Variants in SH3RF3 observed in about 807,000 individuals in gnomAD.
SH3RF3 encodes the protein SH3 domain containing ring finger 3.
In SH3RF3, 29 loss-of-function variants were observed where a neutral mutation model predicts 66.3. The ratio of observed to expected loss-of-function variants is 0.44; its 90% CI spans 0.33 to 0.60. The LOEUF is 0.60. Ranked by LOEUF, SH3RF3 falls within the 20% of genes least tolerant of loss-of-function variation. The probability of loss-of-function intolerance (pLI) is 0.04; values close to 1 mark genes in which losing one functional copy is unlikely to be tolerated. For missense variants in SH3RF3, 1,194 were observed against 1,190.9 expected, an observed-to-expected ratio of 1.00 and a Z score of -0.04; for synonymous variants, 583 against 532.0, an observed-to-expected ratio of 1.10 and a Z score of -1.32.
intron 1 of SH3RF3, among the ~76,000 whole-genome samples, chr2:109,257,622 A>G (rs1680252213): frequency 6.6e-6 from 1 of 152,142 alleles, no homozygotes; most frequent in African/African-American, 2.4e-5. Context: ...CCTGCCACCC[A>G]TCCCATGAAG....
intron 1 of SH3RF3, among the ~76,000 whole-genome samples, chr2:109,328,831 T>TA (rs1344765875): frequency 6.6e-6 from 1 of 152,224 alleles, no homozygotes; most frequent in African/African-American, 2.4e-5. Flanking sequence ...AACACAGTGT[T>TA]ATCCAGAGGT....
At chr2:109,216,270 A>G (rs1287717934) in intron 1 of SH3RF3, among the ~76,000 whole-genome samples, 2 of 152,286 alleles carry the variant, frequency 1.3e-5, no homozygotes, top group East Asian at 1.9e-4. Flanking sequence ...GGCCAGCTCT[A>G]GCCCTGACTT....
chr2:109,200,255 T>C (rs1021759721), intron 1 of SH3RF3, among the ~76,000 whole-genome samples: 1 of 152,116 alleles, frequency 6.6e-6, no homozygotes, highest in Admixed American at 6.5e-5. Context: ...CACCTGTAGT[T>C]GGGGCTTTCA....
chr2:109,314,628 T>C (rs1474422362), intron 1 of SH3RF3, among the ~76,000 whole-genome samples: 3 of 152,262 alleles, frequency 2.0e-5, no homozygotes. Context: ...TCCATGGTCT[T>C]TAAAGGTTTG....
rs925984519 is a variant in SH3RF3 at position 109,144,379 on chromosome 2, C to T, written c.573+14266C>T. On this transcript the variant is annotated intron_variant, in intron 1 of 9. Transcript: ENST00000309415. ...TAATGAAAAGTACTTTTAAAAAACACACAAAGCTGCCTCAAGTCATAGAAC... is the reference window on the plus strand; with the variant it reads ...TAATGAAAAGTACTTTTAAAAAACATACAAAGCTGCCTCAAGTCATAGAAC... Among the ~76,000 whole-genome samples, 155 of 152,238 alleles carry T rather than the reference C, an allele frequency of 1.0e-3. 1 individual carries two copies. The highest frequency in any genetic ancestry group is 3.5e-3 in the African/African-American group (146 of 41,536).
chr2:109,367,039 C>T (rs539509622), intron 2 of SH3RF3, among the ~76,000 whole-genome samples: 1 of 150,932 alleles, frequency 6.6e-6, no homozygotes, highest in African/African-American at 2.4e-5. Flanking sequence ...CTGCAACTTT[C>T]ACCTCCTGGT....
intron 1 of SH3RF3, among the ~76,000 whole-genome samples, chr2:109,281,660 C>T (rs747381312): frequency 4.3e-4 from 65 of 152,154 alleles, no homozygotes; most frequent in Non-Finnish European, 1.5e-4. Context: ...GAGTGAGCAG[C>T]TGCTGAATTC....
At chr2:109,252,946 A>C (rs2105265486) in intron 1 of SH3RF3, among the ~76,000 whole-genome samples, 1 of 152,334 alleles carries the variant, frequency 6.6e-6, no homozygotes, top group East Asian at 1.9e-4. Flanking sequence ...ACTGTAGTCA[A>C]TCACCCTATT....
chr2:109,375,137 C>T (rs12989532), intron 3 of SH3RF3, among the ~76,000 whole-genome samples: 42,775 of 152,226 alleles, frequency 0.28, 7,005 homozygotes, highest in Non-Finnish European at 0.38. Flanking sequence ...CTGCCACAGG[C>T]ATTCACCCAT....
chr2:109,337,605 C>T (rs1472728757), intron 1 of SH3RF3, among the ~76,000 whole-genome samples: 2 of 152,132 alleles, frequency 1.3e-5, no homozygotes, highest in African/African-American at 4.8e-5. Context: ...GCTAGGAAGT[C>T]CATCCTCCAT....
At chr2:109,372,281 G>T (rs965174968) in intron 3 of SH3RF3, among the ~76,000 whole-genome samples, 2 of 152,328 alleles carry the variant, frequency 1.3e-5, no homozygotes, top group Admixed American at 1.3e-4. Flanking sequence ...GGTAGCTGCT[G>T]TGCAGAAAGC....
chr2:109,262,965 T>C (rs1680394435), intron 1 of SH3RF3, among the ~76,000 whole-genome samples: 1 of 152,254 alleles, frequency 6.6e-6, no homozygotes, highest in African/African-American at 2.4e-5. Context: ...CCCACGTAGC[T>C]GGGAGTACAG....
At chr2:109,353,433 C>T (rs911293227) in intron 2 of SH3RF3, among the ~76,000 whole-genome samples, 3 of 152,224 alleles carry the variant, frequency 2.0e-5, no homozygotes, top group African/African-American at 7.2e-5. Context: ...ACCCTTTCTC[C>T]TGAGAGGTAG....
Position 109,474,648 on chromosome 2 carries a change from G to A in SH3RF3, c.2149-15957G>A, listed in dbSNP as rs185126326. Among the ~76,000 whole-genome samples the A allele has an allele frequency of 2.8e-3, 423 of 152,308 alleles. 2 individuals carry two copies. The highest frequency in any genetic ancestry group is 9.4e-3 in the African/African-American group (390 of 41,564). On this transcript the variant is annotated intron_variant, in intron 8 of 9. Coordinates refer to ENST00000309415, the MANE Select transcript of SH3RF3 (RefSeq NM_001099289.3). The stretch of plus-strand genomic sequence containing the variant: ...GCAGGTGAAATTCCAGAAGCTTCCC[G>A]CTGGTCTGCCCTGGACAGCATCGGG...
At chr2:109,417,286 A>G (rs937815216) in intron 4 of SH3RF3, among the ~76,000 whole-genome samples, 2 of 151,820 alleles carry the variant, frequency 1.3e-5, no homozygotes, top group African/African-American at 4.8e-5. Flanking sequence ...GCCCCCACCT[A>G]CACCTCCATG....
At chr2:109,468,127 C>CAGGGGT in intron 8 of SH3RF3, among the ~76,000 whole-genome samples, 1 of 152,326 alleles carries the variant, frequency 6.6e-6, no homozygotes, top group Admixed American at 6.5e-5. Flanking sequence ...AAAAACGCGT[C>CAGGGGT]GTTTGGTGAT....
At chr2:109,271,434 G>A (rs529026206) in intron 1 of SH3RF3, among the ~76,000 whole-genome samples, 29 of 152,222 alleles carry the variant, frequency 1.9e-4, no homozygotes, top group Non-Finnish European at 4.0e-4. Flanking sequence ...TGGAGTAAGA[G>A]TTTTTCAACA....
intron 1 of SH3RF3, among the ~76,000 whole-genome samples, chr2:109,331,148 C>T (rs1380328412): frequency 6.6e-6 from 1 of 152,172 alleles, no homozygotes; most frequent in Non-Finnish European, 1.5e-5. Flanking sequence ...TTCATTCTTC[C>T]CCATCCTTTA....
chr2:109,182,516 A>G (rs941170129), intron 1 of SH3RF3, among the ~76,000 whole-genome samples: 4 of 152,232 alleles, frequency 2.6e-5, no homozygotes, highest in Non-Finnish European at 4.4e-5. Flanking sequence ...TCACATAGTC[A>G]GGTGTTTTTC....
Sources: gnomAD v4.1 joint callset for allele counts (sites outside exome capture counted in the v4.1 genomes callset) on GRCh38, gnomAD v4.1.1 for gene constraint, MANE v1.5 for transcripts, NCBI Gene and HGNC (gene_info 2026-07-23, HGNC 2026-07-21) for gene names.